Variants in DAB1 observed in about 807,000 individuals in gnomAD.
The protein encoded by DAB1 is DAB adaptor protein 1.
A neutral mutation model predicts 64.6 loss-of-function variants in DAB1; 15 were observed. That is an observed-to-expected ratio of 0.23 (90% CI 0.16 to 0.36). The LOEUF (loss-of-function observed/expected upper bound fraction) is 0.36, where lower values mean the gene tolerates loss of function less well. DAB1 is among the 10% of genes least tolerant of loss of function. The pLI, the probability that DAB1 is intolerant of heterozygous loss-of-function variation, is 1.00. For missense variants in DAB1, 596 were observed against 706.7 expected, an observed-to-expected ratio of 0.84 and a Z score of 1.78; for synonymous variants, 235 against 251.9, an observed-to-expected ratio of 0.93 and a Z score of 0.64.
intron 5 of DAB1, among the ~76,000 whole-genome samples, chr1:57,930,375 A>G (rs1644937338): frequency 6.6e-6 from 1 of 152,204 alleles, no homozygotes; most frequent in Non-Finnish European, 1.5e-5. Context: ...CTTTTGCCTC[A>G]CCATATAAAT....
At chr1:57,038,840 G>T (rs867155935) in intron 9 of DAB1, among the ~76,000 whole-genome samples, 2 of 152,152 alleles carry the variant, frequency 1.3e-5, no homozygotes, top group African/African-American at 4.8e-5. Flanking sequence ...CATGGGGAAT[G>T]TTGGTGCAAG....
chr1:58,159,829 A>G (rs3904916), intron 4 of DAB1, among the ~76,000 whole-genome samples: 13,669 of 152,236 alleles, frequency 0.09, 810 homozygotes, highest in Non-Finnish European at 0.14. Flanking sequence ...GGACACTAAG[A>G]TTCAGGGTAC....
Position 56,997,764 on chromosome 1 carries a change from A to T in DAB1, c.*380T>A, listed in dbSNP as rs571407259. The T allele has an allele frequency of 1.3e-5, 2 of 152,328 alleles. No homozygotes were observed. The highest frequency in any genetic ancestry group is 4.8e-5 in the African/African-American group (2 of 41,574). The allele number at this position is 152,328 out of a possible 1,614,324, so 9.4% of individuals were successfully genotyped here. A position where few individuals can be genotyped will look rare whatever the true frequency, so the allele number is the denominator to read the frequency against. ...AAATTTGGTGTCTCAACAGTGGTCA[A>T]CAGGTAGAGAAATAAAAAGGGAATT... is the stretch of plus-strand genomic sequence containing the variant. On this transcript the variant is annotated 3_prime_UTR_variant, in exon 15 of 15. Transcript: ENST00000371236.
In DAB1 at chr1:57,304,643, T is replaced by C. The variant is rs142400431; in HGVS notation, c.-136-13477A>G. The stretch of plus-strand genomic sequence containing the variant: ...TGAGTAGAATAAATAAGGTAATATA[T>C]GCAAATTGCCTGGTACTAGAGAAGG... On this transcript the variant is annotated intron_variant, in intron 1 of 14. Coordinates refer to ENST00000371236, the MANE Select transcript of DAB1 (RefSeq NM_001365792.1). Among the ~76,000 whole-genome samples the C allele has an allele frequency of 8.9e-3, 1,361 of 152,292 alleles. 26 individuals are homozygous for C. Among genetic ancestry groups the C allele is most frequent in the African/African-American group, 0.031 (1,272 of 41,544 alleles).
At chr1:57,211,159 C>A (rs990519058) in intron 2 of DAB1, among the ~76,000 whole-genome samples, 6 of 152,140 alleles carry the variant, frequency 3.9e-5, no homozygotes, top group African/African-American at 1.2e-4. Flanking sequence ...GACAGCGAAG[C>A]AAAATGATGC....
Position 57,071,064 on chromosome 1 carries a change from A to T in DAB1, c.559-3T>A. On this transcript the variant is annotated splice_region_variant and splice_polypyrimidine_tract_variant and intron_variant, in intron 6 of 14. Transcript: ENST00000371236. The stretch of plus-strand genomic sequence containing the variant: ...TCAACATCCTCTTCCAATATTGTCT[A>T]TTGCAGAGTAAGGAGAGGGAGGGTG... 1 of 1,612,090 alleles carries T rather than the reference A, an allele frequency of 6.2e-7. No individual in the cohort carries two copies. Among genetic ancestry groups the T allele is most frequent in the Non-Finnish European group, 8.5e-7 (1 of 1,178,268 alleles).
At chr1:57,853,300 G>T (rs1476778514) in intron 1 of DAB1, among the ~76,000 whole-genome samples, 2 of 151,440 alleles carry the variant, frequency 1.3e-5, no homozygotes, top group African/African-American at 4.9e-5. Context: ...GAAAGGTAGA[G>T]AACCAGGTGG....
Position 58,370,374 on chromosome 1 carries a change from C to CGTGT in DAB1, n.258-26975_258-26972dup, listed in dbSNP as rs67230027. Among the ~76,000 whole-genome samples, 426 of 144,556 alleles carry CGTGT rather than the reference C, an allele frequency of 2.9e-3. 3 individuals are homozygous for CGTGT. Among genetic ancestry groups the CGTGT allele is most frequent in the Middle Eastern group, 7.0e-3 (2 of 284 alleles). 94.8% of individuals were successfully genotyped at this position (144,556 alleles called of 152,430 possible). On this transcript the variant is annotated intron_variant and non_coding_transcript_variant, in intron 3 of 20. Transcript: ENST00000485760. ...ACTGTATGTTACTTATGAGTGTGTG[C>CGTGT]GTGTGTGTGTGTGTGTGTGTGTGTG...
intron 3 of DAB1, among the ~76,000 whole-genome samples, chr1:58,375,122 G>A (rs886499851): frequency 7.4e-5 from 11 of 149,178 alleles, no homozygotes; most frequent in African/African-American, 2.3e-4. Context: ...CATGTCGTCT[G>A]CAAACAGGGA....
At chr1:58,485,014 T>C (rs553081739) in intron 3 of DAB1, among the ~76,000 whole-genome samples, 2 of 152,124 alleles carry the variant, frequency 1.3e-5, no homozygotes, top group South Asian at 4.2e-4. Flanking sequence ...GCACTGAATG[T>C]ACAGCACCAA....
chr1:58,003,888 T>C (rs1476288757), intron 5 of DAB1, among the ~76,000 whole-genome samples: 2 of 152,178 alleles, frequency 1.3e-5, no homozygotes, highest in Admixed American at 6.5e-5. Context: ...ATCTCTCTTT[T>C]ATGCCAGCCT....
At chr1:57,103,421 C>A (rs1017168622) in intron 4 of DAB1, among the ~76,000 whole-genome samples, 1 of 152,174 alleles carries the variant, frequency 6.6e-6, no homozygotes, top group Admixed American at 6.5e-5. Context: ...AGACACTTAA[C>A]CTCTCTGAGC....
At chr1:58,207,162 T>C (rs1658324071) in intron 4 of DAB1, among the ~76,000 whole-genome samples, 1 of 152,202 alleles carries the variant, frequency 6.6e-6, no homozygotes, top group African/African-American at 2.4e-5. Flanking sequence ...AGAAAAGCCA[T>C]CCTACATGAG....
At chr1:58,231,884 C>T (rs1659790559) in intron 4 of DAB1, among the ~76,000 whole-genome samples, 1 of 152,142 alleles carries the variant, frequency 6.6e-6, no homozygotes. Flanking sequence ...GATACTGGTA[C>T]CCATTATTCC....
chr1:58,479,246 T>C (rs1320833497), intron 3 of DAB1, among the ~76,000 whole-genome samples: 1 of 152,196 alleles, frequency 6.6e-6, no homozygotes, highest in Admixed American at 6.5e-5. Context: ...TCTCCAAGTG[T>C]CTTTATATGT....
At chr1:58,499,538 A>G (rs145292508) in intron 3 of DAB1, among the ~76,000 whole-genome samples, 2 of 152,114 alleles carry the variant, frequency 1.3e-5, no homozygotes, top group Non-Finnish European at 2.9e-5. Flanking sequence ...ATTAAAAAGT[A>G]TAAACTTTCA....
At chr1:57,622,707 C>A (rs1051657666) in intron 7 of DAB1, among the ~76,000 whole-genome samples, 1 of 152,196 alleles carries the variant, frequency 6.6e-6, no homozygotes, top group African/African-American at 2.4e-5. Flanking sequence ...AGCTGATATT[C>A]TTAAGCATTT....
chr1:58,042,790 A>T (rs1274460622), intron 5 of DAB1, among the ~76,000 whole-genome samples: 7 of 152,216 alleles, frequency 4.6e-5, no homozygotes, highest in Non-Finnish European at 8.8e-5. Context: ...CAAAGATATT[A>T]GAGGAGCTTA....
At chr1:58,225,953 T>C (rs1659453177) in intron 4 of DAB1, among the ~76,000 whole-genome samples, 1 of 92,582 alleles carries the variant, frequency 1.1e-5, no homozygotes, top group African/African-American at 3.3e-5. Flanking sequence ...TAAAACTTAG[T>C]ATTAAAAAAA....
Sources: allele counts gnomAD v4.1 joint callset (sites outside exome capture counted in the v4.1 genomes callset), GRCh38; gene constraint gnomAD v4.1.1; transcripts MANE v1.5; gene names NCBI Gene and HGNC (gene_info 2026-07-23, HGNC 2026-07-21).